The following NR2F1-AS1 variants were observed in gnomAD, a reference collection of about 807,000 sequenced individuals.
NR2F1-AS1 encodes the protein NR2F1 regulatory antisense RNA 1.
At chr5:93,556,750 A>G (rs1190851949) in intron 2 of NR2F1-AS1, among the ~76,000 whole-genome samples, 1 of 152,196 alleles carries the variant, frequency 6.6e-6, no homozygotes, top group Non-Finnish European at 1.5e-5. Context: ...GCTAGCAAAG[A>G]ACCATGGAAC....
In NR2F1-AS1 at chr5:93,528,264, T is replaced by C. The variant is rs191797592; in HGVS notation, n.638+25497A>G. Among the ~76,000 whole-genome samples the C allele has an allele frequency of 3.1e-3, 474 of 152,256 alleles. 2 individuals carry two copies. Among genetic ancestry groups the C allele is most frequent in the Non-Finnish European group, 5.5e-3 (376 of 68,014 alleles). ...CCTATGAAAAAAAGCTCATCATCACTGGTCATTAGAGAAAAGCAAATCAGT... is the reference window on the plus strand; with the variant it reads ...CCTATGAAAAAAAGCTCATCATCACCGGTCATTAGAGAAAAGCAAATCAGT... On this transcript the variant is annotated intron_variant and non_coding_transcript_variant, in intron 4 of 5. Transcript: ENST00000660523.
intron 4 of NR2F1-AS1, among the ~76,000 whole-genome samples, chr5:93,524,429 C>T (rs943154116): frequency 2.0e-5 from 3 of 152,166 alleles, no homozygotes; most frequent in Admixed American, 6.5e-5. Flanking sequence ...TTAGAAAACA[C>T]GTTTCAGGAT....
intron 4 of NR2F1-AS1, among the ~76,000 whole-genome samples, chr5:93,461,429 A>G (rs973426655): frequency 6.6e-6 from 1 of 152,146 alleles, no homozygotes; most frequent in Non-Finnish European, 1.5e-5. Flanking sequence ...GCAAACCACC[A>G]TGGCACATGT....
At chr5:93,453,520 C>T (rs983110986) in intron 4 of NR2F1-AS1, among the ~76,000 whole-genome samples, 1 of 151,804 alleles carries the variant, frequency 6.6e-6, no homozygotes, top group Admixed American at 6.6e-5. Flanking sequence ...ATAATAATAT[C>T]ATAACATCAT....
intron 4 of NR2F1-AS1, among the ~76,000 whole-genome samples, chr5:93,463,792 GC>G (rs1490543224): frequency 2.6e-5 from 4 of 152,144 alleles, no homozygotes; most frequent in African/African-American, 9.7e-5. Context: ...GTGGTCTTTA[GC>G]CCCTTTGTTT....
intron 4 of NR2F1-AS1, among the ~76,000 whole-genome samples, chr5:93,443,339 T>C (rs1034502971): frequency 2.0e-5 from 3 of 152,042 alleles, no homozygotes; most frequent in Non-Finnish European, 4.4e-5. Flanking sequence ...ATAAACAGCA[T>C]AGAGAAGACC....
intron 4 of NR2F1-AS1, among the ~76,000 whole-genome samples, chr5:93,505,393 C>A (rs983997232): frequency 2.0e-5 from 3 of 152,146 alleles, no homozygotes; most frequent in African/African-American, 7.2e-5. Flanking sequence ...GAAGACGGTG[C>A]CCCTCTTCTC....
chr5:93,568,877 T>A (rs1404265975), intron 1 of NR2F1-AS1, among the ~76,000 whole-genome samples: 2 of 152,188 alleles, frequency 1.3e-5, no homozygotes, highest in African/African-American at 4.8e-5. Context: ...ACAACAGCCA[T>A]GTAAATAAAT....
At chr5:93,581,694 C>T (rs1337906301), upstream of NR2F1-AS1, among the ~76,000 whole-genome samples, 1 of 58,342 alleles carries the variant, frequency 1.7e-5, no homozygotes, top group Non-Finnish European at 3.3e-5. Context: ...CTCTCTCTCT[C>T]TCTCTCTCTC....
chr5:93,516,946 A>G (rs886195888), intron 4 of NR2F1-AS1, among the ~76,000 whole-genome samples: 2 of 151,996 alleles, frequency 1.3e-5, no homozygotes, highest in African/African-American at 4.8e-5. Context: ...CCTATTAACC[A>G]GACTCAAAAA....
chr5:93,449,408 C>G (rs1476037867), intron 4 of NR2F1-AS1, among the ~76,000 whole-genome samples: 12 of 152,130 alleles, frequency 7.9e-5, no homozygotes, highest in Non-Finnish European at 1.3e-4. Flanking sequence ...CAATGTAGAT[C>G]ATCTTACTTT....
intron 4 of NR2F1-AS1, among the ~76,000 whole-genome samples, chr5:93,464,571 C>G (rs1750183911): frequency 6.6e-6 from 1 of 151,966 alleles, no homozygotes; most frequent in Non-Finnish European, 1.5e-5. Flanking sequence ...GATTAAGAAC[C>G]ATATCTACAA....
intron 4 of NR2F1-AS1, among the ~76,000 whole-genome samples, chr5:93,419,163 G>C (rs1007097039): frequency 6.6e-6 from 1 of 152,174 alleles, no homozygotes; most frequent in African/African-American, 2.4e-5. Flanking sequence ...CGGGAGCACT[G>C]TGCAGCCATT....
chr5:93,585,507 T>G (rs757654995), upstream of NR2F1-AS1: 3 of 1,587,264 alleles, frequency 1.9e-6, no homozygotes, highest in African/African-American at 1.3e-5. Flanking sequence ...CTTCTCTGCT[T>G]CTCTCCCCGC....
At chr5:93,485,666 G>T (rs115258717) in intron 4 of NR2F1-AS1, among the ~76,000 whole-genome samples, 1 of 151,896 alleles carries the variant, frequency 6.6e-6, no homozygotes, top group Non-Finnish European at 1.5e-5. Context: ...TCAATGAATT[G>T]ACTGTAAACT....
chr5:93,452,158 T>G (rs1434268153), intron 4 of NR2F1-AS1, among the ~76,000 whole-genome samples: 1 of 152,160 alleles, frequency 6.6e-6, no homozygotes, highest in Non-Finnish European at 1.5e-5. Context: ...TTAAAATTCA[T>G]ATTTTTAGCA....
At chr5:93,563,378 G>C (rs1317042619) in exon 2 of NR2F1-AS1, 19 of 152,120 alleles carry the variant, frequency 1.2e-4, no homozygotes. Context: ...ATTCATCCTG[G>C]TTAATATTGT....
chr5:93,459,033 T>C (rs451814), intron 4 of NR2F1-AS1, among the ~76,000 whole-genome samples: 16 of 150,838 alleles, frequency 1.1e-4, no homozygotes, highest in Admixed American at 2.0e-4. Context: ...AAAAAGAAAA[T>C]AAAAAGGCAC....
intron 4 of NR2F1-AS1, among the ~76,000 whole-genome samples, chr5:93,506,272 C>T (rs187563347): frequency 1.3e-5 from 2 of 152,280 alleles, no homozygotes; most frequent in Admixed American, 6.5e-5. Context: ...ATATCACTAT[C>T]AGCTTCTTTT....
Sources: allele counts gnomAD v4.1 joint callset (sites outside exome capture counted in the v4.1 genomes callset), GRCh38; gene constraint gnomAD v4.1.1; transcripts MANE v1.5; gene names NCBI Gene and HGNC (gene_info 2026-07-23, HGNC 2026-07-21).